Variants in SRGAP3 observed in about 807,000 individuals in gnomAD.
SRGAP3 encodes SLIT-ROBO Rho GTPase-activating protein 3.
Under a neutral mutation model 121.1 loss-of-function variants are expected in SRGAP3, and 39 were observed. The observed-to-expected ratio is 0.32, with a 90% CI of 0.25 to 0.42. The LOEUF (loss-of-function observed/expected upper bound fraction) is 0.42, where lower values mean the gene tolerates loss of function less well. SRGAP3 is among the 10% of genes least tolerant of loss of function. The probability of loss-of-function intolerance (pLI) is 1.00; values close to 1 mark genes in which losing one functional copy is unlikely to be tolerated. For missense variants in SRGAP3, 1,213 were observed against 1,470.6 expected (o/e 0.82, Z 2.86); for synonymous variants, 601 against 570.0 (o/e 1.05, Z -0.77).
Position 9,276,036 on chromosome 3 carries a change from C to CA in SRGAP3, n.442+49973dup, listed in dbSNP as rs199544323. 4.7e-3 allele frequency among the ~76,000 whole-genome samples: 706 copies of CA among 149,880 alleles called. 6 individuals carry two copies. The highest frequency in any genetic ancestry group is 0.015 in the African/African-American group (611 of 40,880). On this transcript the variant is annotated intron_variant and non_coding_transcript_variant, in intron 3 of 3. Transcript: ENST00000490889. ...GCAACATAGCAAGACCCTGTCTGTA[C>CA]AAAAAAAAAGTCGGAAGGAAGGAAG...
intron 4 of SRGAP3, among the ~76,000 whole-genome samples, chr3:9,078,457 C>A (rs1450606700): frequency 1.3e-5 from 2 of 152,086 alleles, no homozygotes; most frequent in African/African-American, 2.4e-5. Context: ...CACCACCCTT[C>A]CCCCCACCGT....
intron 1 of SRGAP3, among the ~76,000 whole-genome samples, chr3:9,220,928 C>G (rs1422176429): frequency 1.3e-5 from 2 of 152,190 alleles, no homozygotes; most frequent in East Asian, 3.9e-4. Flanking sequence ...TGCCTCACAG[C>G]CCAGGGCAGA....
intron 1 of SRGAP3, among the ~76,000 whole-genome samples, chr3:9,228,046 T>A (rs1332463234): frequency 2.0e-5 from 3 of 152,152 alleles, no homozygotes; most frequent in Non-Finnish European, 4.4e-5. Flanking sequence ...CTGATGATCA[T>A]AGTTTGAGAC....
At chr3:9,139,535 G>A (rs1949778532) in intron 1 of SRGAP3, among the ~76,000 whole-genome samples, 1 of 152,242 alleles carries the variant, frequency 6.6e-6, no homozygotes. Context: ...AGAGACAAGG[G>A]ACAGGTTCTC....
chr3:9,086,064 C>A (rs1362103804), intron 3 of SRGAP3, among the ~76,000 whole-genome samples: 1 of 152,228 alleles, frequency 6.6e-6, no homozygotes, highest in Non-Finnish European at 1.5e-5. Flanking sequence ...GCCTCACCTG[C>A]CTTCCCAAGT....
chr3:9,290,589 GT>G (rs1954854281), intron 3 of SRGAP3, among the ~76,000 whole-genome samples: 1 of 152,146 alleles, frequency 6.6e-6, no homozygotes, highest in Non-Finnish European at 1.5e-5. Context: ...TTCAAGTAGT[GT>G]TTCTCAAAGT....
At chr3:9,112,886 C>A (rs112955172) in intron 2 of SRGAP3, among the ~76,000 whole-genome samples, 1 of 152,238 alleles carries the variant, frequency 6.6e-6, no homozygotes, top group South Asian at 2.1e-4. Context: ...CCTGGGCACA[C>A]AGGCACTCTC....
At chr3:9,214,117 AACAC>A (rs34152705) in intron 1 of SRGAP3, among the ~76,000 whole-genome samples, 160 of 133,846 alleles carry the variant, frequency 1.2e-3, no homozygotes, top group East Asian at 0.011. Context: ...ACCCACCTCC[AACAC>A]ACACACACAC....
chr3:9,090,350 A>C (rs1947700922), intron 3 of SRGAP3, among the ~76,000 whole-genome samples: 1 of 152,116 alleles, frequency 6.6e-6, no homozygotes, highest in South Asian at 2.1e-4. Flanking sequence ...TGTGCAGAGC[A>C]GTAGGAAACT....
chr3:9,016,522 G>C (rs1197974735), intron 14 of SRGAP3, among the ~76,000 whole-genome samples: 1 of 152,184 alleles, frequency 6.6e-6, no homozygotes, highest in Non-Finnish European at 1.5e-5. Flanking sequence ...ACGTACGTCA[G>C]GCTGTCCTGC....
intron 14 of SRGAP3, among the ~76,000 whole-genome samples, chr3:9,022,973 G>T (rs1559935537): frequency 6.6e-6 from 1 of 152,222 alleles, no homozygotes; most frequent in Non-Finnish European, 1.5e-5. Flanking sequence ...CCCCTGCAAA[G>T]CACCAAAGCA....
At chr3:9,050,149 A>G (rs1400752596) in intron 9 of SRGAP3, among the ~76,000 whole-genome samples, 1 of 152,180 alleles carries the variant, frequency 6.6e-6, no homozygotes, top group Non-Finnish European at 1.5e-5. Context: ...GAGAACCTGC[A>G]TTTTTAACAA....
At chr3:9,154,353 G>T (rs944335728) in intron 1 of SRGAP3, among the ~76,000 whole-genome samples, 1 of 152,112 alleles carries the variant, frequency 6.6e-6, no homozygotes, top group Non-Finnish European at 1.5e-5. Context: ...AAATAGACTG[G>T]CTTCCAGCTC....
intron 6 of SRGAP3, 91 bp downstream of exon 6, chr3:9,060,140 T>G (rs771650758): frequency 3.9e-5 from 63 of 1,597,402 alleles, no homozygotes; most frequent in Non-Finnish European, 1.7e-6. Flanking sequence ...GAATGTCAGG[T>G]AAAGACAAAG....
At position 9,131,782 on chromosome 3, in the gene SRGAP3, A is replaced by G. The variant is rs143442838; in HGVS notation, c.68-6865T>C. On this transcript the variant is annotated intron_variant, in intron 1 of 21. Coordinates refer to ENST00000383836, the MANE Select transcript of SRGAP3 (RefSeq NM_014850.4). ...TCAATCCAGGTCTCCTAAAGCACCAATCTCCCTGTGTCACCCTCCTGATAA... is the reference window on the plus strand; with the variant it reads ...TCAATCCAGGTCTCCTAAAGCACCAGTCTCCCTGTGTCACCCTCCTGATAA... Among the ~76,000 whole-genome samples the G allele has an allele frequency of 6.2e-3, 949 of 151,974 alleles. 9 individuals carry two copies. The highest frequency in any genetic ancestry group is 0.022 in the African/African-American group (892 of 41,478).
chr3:9,086,958 G>A (rs903013556), intron 3 of SRGAP3, among the ~76,000 whole-genome samples: 3 of 151,112 alleles, frequency 2.0e-5, no homozygotes, highest in Non-Finnish European at 4.4e-5. Context: ...GTTTGCTGGG[G>A]TAGAGTCAAG....
intron 3 of SRGAP3, among the ~76,000 whole-genome samples, chr3:9,298,020 C>A (rs1954980980): frequency 6.6e-6 from 1 of 152,148 alleles, no homozygotes; most frequent in Non-Finnish European, 1.5e-5. Flanking sequence ...TCAGAAGACA[C>A]CAACCCTGCT....
chr3:9,126,579 G>A (rs1233223249), intron 1 of SRGAP3, among the ~76,000 whole-genome samples: 1 of 152,092 alleles, frequency 6.6e-6, no homozygotes, highest in African/African-American at 2.4e-5. Context: ...GCACGCCATT[G>A]CACTCCAGCC....
At chr3:9,238,202 G>C (rs1044417591) in intron 1 of SRGAP3, among the ~76,000 whole-genome samples, 1 of 152,208 alleles carries the variant, frequency 6.6e-6, no homozygotes, top group Non-Finnish European at 1.5e-5. Flanking sequence ...CCCAGCAAGA[G>C]GTAATGGCAG....
Sources: allele counts gnomAD v4.1 joint callset (sites outside exome capture counted in the v4.1 genomes callset), GRCh38; gene constraint gnomAD v4.1.1; transcripts MANE v1.5; gene names NCBI Gene and HGNC (gene_info 2026-07-23, HGNC 2026-07-21).